Variants in CADPS observed in about 807,000 individuals in gnomAD.
CADPS encodes calcium dependent secretion activator, also known as calcium-dependent secretion activator 1.
A neutral mutation model predicts 167.3 loss-of-function variants in CADPS; 57 were observed. The observed-to-expected ratio is 0.34, with a 90% CI of 0.28 to 0.42. CADPS has a LOEUF of 0.42. Ranked by LOEUF, CADPS falls within the 20% of genes least tolerant of loss-of-function variation. CADPS has a pLI of 1.00. For synonymous variants in CADPS, 676 were observed against 635.3 expected (o/e 1.06, Z -0.96); for missense variants, 1,414 against 1,738.1 (o/e 0.81, Z 3.32).
chr3:62,607,689 C>A (rs887965328), intron 6 of CADPS, among the ~76,000 whole-genome samples: 13 of 152,160 alleles, frequency 8.5e-5, no homozygotes, highest in Non-Finnish European at 1.6e-4. Context: ...ATTACGGAAG[C>A]TGTTGTTGGT....
At chr3:62,763,430 G>T (rs2086048953) in intron 2 of CADPS, among the ~76,000 whole-genome samples, 1 of 152,228 alleles carries the variant, frequency 6.6e-6, no homozygotes, top group African/African-American at 2.4e-5. Context: ...GGAGCCTCTG[G>T]ATCCAGCCAT....
At chr3:62,654,501 T>C (rs976730014) in intron 4 of CADPS, among the ~76,000 whole-genome samples, 5 of 152,184 alleles carry the variant, frequency 3.3e-5, no homozygotes, top group Admixed American at 6.6e-5. Context: ...TGGAAAATAC[T>C]GTAGGCAACC....
In CADPS at chr3:62,398,616, C is replaced by T. The variant is rs1199389277; in HGVS notation, c.*790G>A. ...ATCTTATTATAAACACATTTTTAGT[C>T]TAGGGTTGTAATTTAAATATTCATT... On this transcript the variant is annotated 3_prime_UTR_variant, in exon 30 of 30. Transcript: ENST00000383710. 1.3e-5 allele frequency: 2 copies of T among 152,538 alleles called. No homozygotes were observed. The highest frequency in any genetic ancestry group is 2.9e-5 in the Non-Finnish European group (2 of 68,030). The allele number at this position is 152,538 out of a possible 1,614,324, so 9.4% of individuals were successfully genotyped here.
intron 3 of CADPS, among the ~76,000 whole-genome samples, chr3:62,663,285 A>G (rs2073718812): frequency 6.6e-6 from 1 of 152,182 alleles, no homozygotes; most frequent in South Asian, 2.1e-4. Flanking sequence ...CTGTAGGTGA[A>G]TGAGACCCAC....
At chr3:62,585,379 T>G in intron 7 of CADPS, 55 bp from the exon 8 acceptor site, 9 of 1,559,910 alleles carry the variant, frequency 5.8e-6, no homozygotes, top group Non-Finnish European at 7.8e-6. Context: ...TATGTTTTTA[T>G]AGATTAGAAA....
intron 18 of CADPS, among the ~76,000 whole-genome samples, chr3:62,495,123 C>A (rs993800699): frequency 1.3e-5 from 2 of 152,080 alleles, no homozygotes; most frequent in African/African-American, 4.8e-5. Context: ...AATAGCCCTG[C>A]AAAGAACGAT....
chr3:62,517,704 C>T (rs1207254342), intron 14 of CADPS, among the ~76,000 whole-genome samples: 2 of 152,068 alleles, frequency 1.3e-5, no homozygotes, highest in East Asian at 3.9e-4. Flanking sequence ...TTCAATCCAC[C>T]CAGGCTGATG....
At chr3:62,871,939 C>T (rs556951037) in intron 1 of CADPS, among the ~76,000 whole-genome samples, 42 of 152,104 alleles carry the variant, frequency 2.8e-4, no homozygotes, top group African/African-American at 9.4e-4. Flanking sequence ...ATCTATGTGC[C>T]GTGCACATAG....
At chr3:62,626,397 G>C in intron 6 of CADPS, 1 of 575,290 alleles carries the variant, frequency 1.7e-6, no homozygotes, top group African/African-American at 1.9e-5. Flanking sequence ...CCAAAAGGAT[G>C]AGTGTAAACC....
At chr3:62,871,586 C>G (rs1249190593) in intron 1 of CADPS, among the ~76,000 whole-genome samples, 1 of 152,134 alleles carries the variant, frequency 6.6e-6, no homozygotes, top group East Asian at 1.9e-4. Flanking sequence ...CATCTTTTAC[C>G]CATCTACGTG....
At chr3:62,763,874 T>A (rs1026785984) in intron 2 of CADPS, among the ~76,000 whole-genome samples, 2 of 152,238 alleles carry the variant, frequency 1.3e-5, no homozygotes, top group Non-Finnish European at 2.9e-5. Flanking sequence ...TCTCAATGCC[T>A]GTATTCTTAC....
intron 1 of CADPS, among the ~76,000 whole-genome samples, chr3:62,777,839 T>C (rs1197334532): frequency 1.3e-5 from 2 of 152,188 alleles, no homozygotes; most frequent in African/African-American, 4.8e-5. Context: ...GAAAATTCTA[T>C]CACTCAAGCC....
chr3:62,672,808 C>T (rs1355546), intron 3 of CADPS, among the ~76,000 whole-genome samples: 22,515 of 152,036 alleles, frequency 0.15, 1,868 homozygotes, highest in Middle Eastern at 0.23. Flanking sequence ...TTCGTAGAGA[C>T]GGGGTCATGC....
chr3:62,550,802 C>T (rs1464567878), intron 10 of CADPS: 1 of 456,686 alleles, frequency 2.2e-6, no homozygotes, highest in Non-Finnish European at 4.4e-6. Context: ...ATTGCTGAAT[C>T]CAATGACTGA....
chr3:62,828,408 G>A (rs1383636227), intron 1 of CADPS, among the ~76,000 whole-genome samples: 1 of 152,028 alleles, frequency 6.6e-6, no homozygotes, highest in African/African-American at 2.4e-5. Context: ...AAAGTAATTG[G>A]GCAAAAACGT....
chr3:62,807,974 C>T (rs11713068), intron 1 of CADPS, among the ~76,000 whole-genome samples: 27,793 of 151,664 alleles, frequency 0.18, 2,876 homozygotes, highest in Middle Eastern at 0.32. Flanking sequence ...CCCGGGTTCA[C>T]GCGATTCTCC....
rs528550653 is a variant in CADPS at position 62,602,582 on chromosome 3, G to A, written c.1326-9834C>T. Among the ~76,000 whole-genome samples, 24 of 152,280 alleles carry A rather than the reference G, an allele frequency of 1.6e-4. No homozygotes were observed. The highest frequency in any genetic ancestry group is 2.4e-4 in the African/African-American group (10 of 41,556). ...CTCCAAGGGAATCAATTGTGCCATC[G>A]CAGTGTGTCTCATGCAAACTAATTG... On this transcript the variant is annotated intron_variant, in intron 6 of 29. Coordinates refer to ENST00000383710, the MANE Select transcript of CADPS (RefSeq NM_003716.4). This position sits in a 1 kb window ranked among gnomAD's most constrained non-coding sequence, Gnocchi z 4.4.
At chr3:62,545,590 A>T (rs1182329090) in intron 11 of CADPS, among the ~76,000 whole-genome samples, 1 of 152,004 alleles carries the variant, frequency 6.6e-6, no homozygotes, top group African/African-American at 2.4e-5. Context: ...GTAGAGTCAC[A>T]CACAAACTAA....
At chr3:62,591,247 T>C (rs1415016321) in intron 7 of CADPS, among the ~76,000 whole-genome samples, 1 of 152,224 alleles carries the variant, frequency 6.6e-6, no homozygotes, top group African/African-American at 2.4e-5. Context: ...GTGGAGATTT[T>C]ACAGTCCAGT....
Sources: allele counts gnomAD v4.1 joint callset (sites outside exome capture counted in the v4.1 genomes callset), GRCh38; gene constraint gnomAD v4.1.1; non-coding constraint Gnocchi (gnomAD v3.1); transcripts MANE v1.5; gene names NCBI Gene and HGNC (gene_info 2026-07-23, HGNC 2026-07-21).